ATXN1: variants seen among roughly 807,000 people sequenced by gnomAD.
The protein encoded by ATXN1 is ataxin-1.
A neutral mutation model predicts 56.4 loss-of-function variants in ATXN1; 8 were observed. That is an observed-to-expected ratio of 0.14 (90% CI 0.08 to 0.26). ATXN1 has a LOEUF of 0.26. Ranked by LOEUF, ATXN1 falls within the 10% of genes least tolerant of loss-of-function variation. ATXN1 has a pLI of 1.00. For synonymous variants in ATXN1, 514 were observed against 494.6 expected (o/e 1.04, Z -0.52); for missense variants, 987 against 1,106.5 (o/e 0.89, Z 1.53).
At chr6:16,452,201 C>T (rs1213175436) in intron 6 of ATXN1, among the ~76,000 whole-genome samples, 2 of 152,144 alleles carry the variant, frequency 1.3e-5, no homozygotes, top group African/African-American at 2.4e-5. Context: ...CAACTGAGCA[C>T]CAGACTGTGA....
intron 6 of ATXN1, among the ~76,000 whole-genome samples, chr6:16,475,577 T>C (rs1404492238): frequency 6.6e-6 from 1 of 152,146 alleles, no homozygotes; most frequent in Non-Finnish European, 1.5e-5. Context: ...CTCAGAGAAG[T>C]TGGGCAATTT....
chr6:16,529,379 T>C (rs1332415184), intron 4 of ATXN1, among the ~76,000 whole-genome samples: 3 of 152,060 alleles, frequency 2.0e-5, no homozygotes, highest in Admixed American at 1.3e-4. Flanking sequence ...AATGTAGCCT[T>C]GGCAAGTCAG....
chr6:16,390,015 T>G (rs1444029660), intron 6 of ATXN1, among the ~76,000 whole-genome samples: 1 of 152,206 alleles, frequency 6.6e-6, no homozygotes, highest in African/African-American at 2.4e-5. Context: ...TACATACAGA[T>G]TATTAATAGG....
chr6:16,357,812 T>C (rs1561865807), intron 6 of ATXN1, among the ~76,000 whole-genome samples: 1 of 151,886 alleles, frequency 6.6e-6, no homozygotes, highest in Non-Finnish European at 1.5e-5. Context: ...AGCTCTCAGG[T>C]GGGAATAGGA....
At chr6:16,753,020 C>A in intron 2 of ATXN1, 1 of 324,018 alleles carries the variant, frequency 3.1e-6, no homozygotes, top group Non-Finnish European at 6.1e-6. Flanking sequence ...TCTTCATGAA[C>A]ATATAGATTA....
intron 2 of ATXN1, chr6:16,737,792 A>G (rs1353974652): frequency 3.9e-5 from 6 of 152,244 alleles, no homozygotes; most frequent in African/African-American, 1.2e-4. Flanking sequence ...CAAGGTATAA[A>G]CAATGAACAG....
chr6:16,617,350 T>A (rs1338587601), intron 3 of ATXN1, among the ~76,000 whole-genome samples: 1 of 152,114 alleles, frequency 6.6e-6, no homozygotes, highest in Non-Finnish European at 1.5e-5. Flanking sequence ...TTTGAAAAGA[T>A]GTTTTAAAAT....
intron 7 of ATXN1, among the ~76,000 whole-genome samples, chr6:16,319,042 C>A (rs1436317803): frequency 6.6e-6 from 1 of 151,996 alleles, no homozygotes; most frequent in East Asian, 1.9e-4. Context: ...CATGGCAAGA[C>A]CCCGTCTCTA....
In ATXN1 at chr6:16,367,333, T is replaced by TTCTCTC. The variant is rs754991999; in HGVS notation, c.-160-38869_-160-38864dup. Reference sequence around the variant, plus strand: ...GCACATCTTGCAGCCAAGATTCTGTTTCTCTCTCTCTCTCTCTCTCTCTCT... The same window carrying TTCTCTC: ...GCACATCTTGCAGCCAAGATTCTGTTTCTCTCTCTCTCTCTCTCTCTCTCTCTCTCT... On this transcript the variant is annotated intron_variant, in intron 6 of 7. Coordinates refer to ENST00000436367, the MANE Select transcript of ATXN1 (RefSeq NM_001128164.2). Among the ~76,000 whole-genome samples the TTCTCTC allele has an allele frequency of 5.1e-5, 4 of 79,142 alleles. No individual in the cohort carries two copies. The East Asian group carries it at 1.2e-3, about 23-fold the overall frequency. 51.9% of individuals were successfully genotyped at this position (79,142 alleles called of 152,430 possible). A position where few individuals can be genotyped will look rare whatever the true frequency, so the allele number is the denominator to read the frequency against.
At chr6:16,443,623 T>C (rs1036401093) in intron 6 of ATXN1, among the ~76,000 whole-genome samples, 2 of 152,240 alleles carry the variant, frequency 1.3e-5, no homozygotes, top group African/African-American at 4.8e-5. Context: ...AAGCATATTG[T>C]TGCAATGTCA....
At chr6:16,616,292 C>A (rs1763207461) in intron 3 of ATXN1, among the ~76,000 whole-genome samples, 2 of 151,946 alleles carry the variant, frequency 1.3e-5, no homozygotes, top group Non-Finnish European at 2.9e-5. Flanking sequence ...GTAATCCCAG[C>A]ATTTTGGGAG....
At chr6:16,367,333 TTCTCTC>T (rs754991999) in intron 6 of ATXN1, among the ~76,000 whole-genome samples, 1 of 79,144 alleles carries the variant, frequency 1.3e-5, no homozygotes. Flanking sequence ...AAGATTCTGT[TTCTCTC>T]TCTCTCTCTC....
chr6:16,637,621 T>C (rs1763623869), intron 3 of ATXN1, among the ~76,000 whole-genome samples: 1 of 152,162 alleles, frequency 6.6e-6, no homozygotes, highest in African/African-American at 2.4e-5. Flanking sequence ...GCAGGGAAAA[T>C]CACCTTAAAA....
intron 4 of ATXN1, among the ~76,000 whole-genome samples, chr6:16,566,656 A>G (rs546902577): frequency 8.3e-4 from 126 of 152,142 alleles, no homozygotes; most frequent in African/African-American, 2.9e-3. Context: ...GATCAAGACC[A>G]TCCTGGCGAA....
At chr6:16,538,606 C>T (rs892602162) in intron 4 of ATXN1, among the ~76,000 whole-genome samples, 2 of 145,198 alleles carry the variant, frequency 1.4e-5, no homozygotes, top group African/African-American at 5.1e-5. Flanking sequence ...CAACAGGCCC[C>T]GGTGTGTGAT....
chr6:16,522,540 TCA>T (rs1245544042), intron 5 of ATXN1, 85 bp downstream of exon 5: 1 of 152,098 alleles, frequency 6.6e-6, no homozygotes, highest in Non-Finnish European at 1.5e-5. Context: ...GTGCATGCTG[TCA>T]CACACTTTTT....
At chr6:16,562,121 C>T (rs1762129976) in intron 4 of ATXN1, among the ~76,000 whole-genome samples, 1 of 152,016 alleles carries the variant, frequency 6.6e-6, no homozygotes, top group African/African-American at 2.4e-5. Context: ...CACCTGTAAT[C>T]CCAGCACTTT....
Position 16,318,349 on chromosome 6 carries a change from T to C in ATXN1, c.1917+8045A>G, listed in dbSNP as rs996037171. Among the ~76,000 whole-genome samples the C allele has an allele frequency of 6.6e-5, 10 of 152,280 alleles. 1 individual carries two copies. In the South Asian group the frequency reaches 2.1e-3, roughly 32 times the overall value. On this transcript the variant is annotated intron_variant, in intron 7 of 7. Transcript: ENST00000436367. ...GCTAGGTTTCAGTAAGTATGTCTTG[T>C]TTTTTGGCGAAATTATTAAATTGGG...
chr6:16,520,676 G>C (rs942179528), intron 5 of ATXN1, among the ~76,000 whole-genome samples: 1 of 152,178 alleles, frequency 6.6e-6, no homozygotes, highest in Non-Finnish European at 1.5e-5. Flanking sequence ...ACAGGTGTCA[G>C]TGACCCACAT....
Sources: gnomAD v4.1 joint callset for allele counts (sites outside exome capture counted in the v4.1 genomes callset) on GRCh38, gnomAD v4.1.1 for gene constraint, MANE v1.5 for transcripts, NCBI Gene and HGNC (gene_info 2026-07-23, HGNC 2026-07-21) for gene names.